CSMD1: variants seen among roughly 807,000 people sequenced by gnomAD.
The protein encoded by CSMD1 is CUB and sushi domain-containing protein 1.
A neutral mutation model predicts 417.5 loss-of-function variants in CSMD1; 213 were observed. The observed-to-expected ratio is 0.51, with a 90% CI of 0.46 to 0.57. The LOEUF (loss-of-function observed/expected upper bound fraction) is 0.57, where lower values mean the gene tolerates loss of function less well. Ranked by LOEUF, CSMD1 falls within the 20% of genes least tolerant of loss-of-function variation. The pLI, the probability that CSMD1 is intolerant of heterozygous loss-of-function variation, is 0.00. For missense variants in CSMD1, 6,923 were observed against 4,529.7 expected (o/e 1.53, Z -15.17); for synonymous variants, 2,862 against 1,736.8 (o/e 1.65, Z -16.11).
At chr8:3,122,459 A>G (rs902672340) in intron 41 of CSMD1, among the ~76,000 whole-genome samples, 1 of 152,262 alleles carries the variant, frequency 6.6e-6, no homozygotes, top group East Asian at 1.9e-4. Flanking sequence ...TTTAACTCAC[A>G]ATTTTGTGAA....
At chr8:3,285,343 T>C (rs527790522) in intron 25 of CSMD1, among the ~76,000 whole-genome samples, 27 of 152,194 alleles carry the variant, frequency 1.8e-4, no homozygotes, top group African/African-American at 6.0e-4. Flanking sequence ...GTATAGCAGA[T>C]AGTAGATCTT....
At chr8:3,165,006 A>G (rs1296863319) in intron 37 of CSMD1, among the ~76,000 whole-genome samples, 4 of 151,862 alleles carry the variant, frequency 2.6e-5, no homozygotes, top group Non-Finnish European at 1.5e-5. Flanking sequence ...AATTATAATT[A>G]ATTTATAATT....
At chr8:4,582,345 A>G (rs1234067709) in intron 2 of CSMD1, among the ~76,000 whole-genome samples, 1 of 152,220 alleles carries the variant, frequency 6.6e-6, no homozygotes, top group Admixed American at 6.5e-5. Context: ...AAAGCGGGAT[A>G]AAATATATTA....
chr8:3,519,631 T>G (rs923781461), intron 10 of CSMD1, among the ~76,000 whole-genome samples: 1 of 152,204 alleles, frequency 6.6e-6, no homozygotes, highest in Non-Finnish European at 1.5e-5. Flanking sequence ...CTCAGCTATC[T>G]GTAGCACATG....
chr8:3,066,547 A>G (rs140835481), intron 49 of CSMD1, among the ~76,000 whole-genome samples: 2 of 152,318 alleles, frequency 1.3e-5, no homozygotes, highest in East Asian at 1.9e-4. Context: ...TTGAGTAATC[A>G]TGGCTTCCTT....
intron 5 of CSMD1, among the ~76,000 whole-genome samples, chr8:3,966,094 G>C (rs1165350571): frequency 6.6e-6 from 1 of 152,148 alleles, no homozygotes; most frequent in Non-Finnish European, 1.5e-5. Context: ...TAGGGACTAC[G>C]AATGTACTTC....
chr8:4,553,088 T>G (rs1797941274), intron 2 of CSMD1, among the ~76,000 whole-genome samples: 1 of 152,214 alleles, frequency 6.6e-6, no homozygotes, highest in Non-Finnish European at 1.5e-5. Flanking sequence ...AGGTACCAAT[T>G]ACTTCTTTCA....
intron 3 of CSMD1, among the ~76,000 whole-genome samples, chr8:4,181,960 G>C (rs941461201): frequency 6.6e-6 from 1 of 150,608 alleles, no homozygotes; most frequent in African/African-American, 2.5e-5. Flanking sequence ...GTGTCTGCGT[G>C]TGTGTGTGTG....
chr8:4,224,262 C>G (rs1267574709), intron 3 of CSMD1, among the ~76,000 whole-genome samples: 1 of 151,928 alleles, frequency 6.6e-6, no homozygotes, highest in Non-Finnish European at 1.5e-5. Flanking sequence ...AAAATGCTTG[C>G]ACACGTTTTT....
intron 5 of CSMD1, among the ~76,000 whole-genome samples, chr8:3,881,627 A>C (rs1806211786): frequency 1.5e-5 from 2 of 137,352 alleles, no homozygotes; most frequent in African/African-American, 6.2e-5. Context: ...AAAAAACAAA[A>C]ACAAAAACAA....
chr8:4,385,020 T>G (rs1009627101), intron 3 of CSMD1, among the ~76,000 whole-genome samples: 1 of 152,072 alleles, frequency 6.6e-6, no homozygotes, highest in Non-Finnish European at 1.5e-5. Flanking sequence ...TCCGTCCCCC[T>G]GGTTCAAGGG....
intron 5 of CSMD1, among the ~76,000 whole-genome samples, chr8:3,989,234 C>T (rs1324333962): frequency 6.6e-6 from 1 of 152,182 alleles, no homozygotes; most frequent in Non-Finnish European, 1.5e-5. Flanking sequence ...AGACAGTGAT[C>T]TGGGACTTCC....
rs1282348285 is a variant in CSMD1 at position 4,809,512 on chromosome 8, G to C, written c.86-171954C>G. 3.9e-5 allele frequency among the ~76,000 whole-genome samples: 6 copies of C among 152,240 alleles called. No individual in the cohort carries two copies. The East Asian group carries it at 5.8e-4, about 15-fold the overall frequency. On this transcript the variant is annotated intron_variant, in intron 1 of 69. Coordinates refer to ENST00000635120, the MANE Select transcript of CSMD1 (RefSeq NM_033225.6). The stretch of plus-strand genomic sequence containing the variant: ...CCAATAGACATGAATAAGAATCTCA[G>C]ACTAAGTTCTACTCTTCAGTAAAGA...
chr8:3,543,607 A>G (rs1267089284), intron 10 of CSMD1, among the ~76,000 whole-genome samples: 2 of 151,964 alleles, frequency 1.3e-5, no homozygotes, highest in East Asian at 3.9e-4. Context: ...AGGATTAAAT[A>G]TAAGTATAAT....
At chr8:4,432,224 A>G (rs959502656) in intron 2 of CSMD1, among the ~76,000 whole-genome samples, 20 of 152,208 alleles carry the variant, frequency 1.3e-4, no homozygotes, top group Non-Finnish European at 2.6e-4. Context: ...ATTTTGTCAA[A>G]TGGGTTATGA....
intron 2 of CSMD1, among the ~76,000 whole-genome samples, chr8:4,447,507 T>C (rs954177684): frequency 3.9e-5 from 6 of 152,188 alleles, no homozygotes; most frequent in Admixed American, 3.3e-4. Context: ...GTGAATGTTC[T>C]TTGGAGAGGC....
intron 2 of CSMD1, among the ~76,000 whole-genome samples, chr8:4,557,128 T>G (rs182258534): frequency 3.3e-5 from 5 of 152,288 alleles, no homozygotes; most frequent in African/African-American, 9.6e-5. Context: ...CCTGGGTGAT[T>G]TGTAAAGGTT....
At chr8:3,024,478 G>T (rs961586739) in intron 51 of CSMD1, among the ~76,000 whole-genome samples, 8 of 152,034 alleles carry the variant, frequency 5.3e-5, no homozygotes, top group Non-Finnish European at 1.0e-4. Context: ...ACTAATTTTT[G>T]TATTTTTTAG....
At chr8:3,692,452 T>C (rs1800300978) in intron 7 of CSMD1, among the ~76,000 whole-genome samples, 1 of 152,092 alleles carries the variant, frequency 6.6e-6, no homozygotes. Flanking sequence ...ATAATTTTTT[T>C]TTTTTTTGAG....
Sources: gnomAD v4.1 joint callset for allele counts (sites outside exome capture counted in the v4.1 genomes callset) on GRCh38, gnomAD v4.1.1 for gene constraint, MANE v1.5 for transcripts, NCBI Gene and HGNC (gene_info 2026-07-23, HGNC 2026-07-21) for gene names.